FSTL5: variants seen among roughly 807,000 people sequenced by gnomAD.
FSTL5 encodes the protein follistatin like 5.
In FSTL5, 62 loss-of-function variants were observed where a neutral mutation model predicts 89.1. The observed-to-expected ratio is 0.70, with a 90% confidence interval of 0.57 to 0.86. The LOEUF (loss-of-function observed/expected upper bound fraction) is 0.86, where lower values mean the gene tolerates loss of function less well. FSTL5 is among the 40% of genes least tolerant of loss of function. The pLI, the probability that FSTL5 is intolerant of heterozygous loss-of-function variation, is 0.00. For missense variants in FSTL5, 1,057 were observed against 1,001.6 expected (o/e 1.06, Z -0.75); for synonymous variants, 383 against 346.2 (o/e 1.11, Z -1.18).
chr4:161,841,918 G>A (rs573247762), intron 4 of FSTL5, among the ~76,000 whole-genome samples: 2 of 152,224 alleles, frequency 1.3e-5, no homozygotes, highest in East Asian at 1.9e-4. Context: ...TCAGATTTGA[G>A]TGTGTGTTGG....
intron 2 of FSTL5, among the ~76,000 whole-genome samples, chr4:162,077,921 A>T (rs1729934403): frequency 6.6e-6 from 1 of 151,848 alleles, no homozygotes; most frequent in African/African-American, 2.4e-5. Context: ...ACCTTTAGCT[A>T]CATACTCAAA....
At chr4:161,898,208 AC>A (rs1351718372) in intron 4 of FSTL5, among the ~76,000 whole-genome samples, 1 of 150,684 alleles carries the variant, frequency 6.6e-6, no homozygotes, top group Admixed American at 6.6e-5. Flanking sequence ...AATTTATCAC[AC>A]AGTATATTTA....
intron 5 of FSTL5, among the ~76,000 whole-genome samples, chr4:161,772,598 T>C (rs1348823948): frequency 6.6e-6 from 1 of 151,922 alleles, no homozygotes; most frequent in Non-Finnish European, 1.5e-5. Flanking sequence ...CCTTTTACAA[T>C]AGCTGCAAAA....
chr4:162,038,427 T>C (rs1185626210), intron 2 of FSTL5, among the ~76,000 whole-genome samples: 1 of 151,846 alleles, frequency 6.6e-6, no homozygotes, highest in Non-Finnish European at 1.5e-5. Context: ...GTCAACAATA[T>C]GGTATCTTAA....
At chr4:161,779,759 T>TTATATATATATATACATATATA (rs1741554554) in intron 4 of FSTL5, among the ~76,000 whole-genome samples, 1 of 31,184 alleles carries the variant, frequency 3.2e-5, no homozygotes, top group Non-Finnish European at 5.0e-5. Flanking sequence ...ATTTGTAAAG[T>TTATATATATATATACATATATA]TATATATATA....
intron 4 of FSTL5, among the ~76,000 whole-genome samples, chr4:161,910,450 T>A (rs1053752006): frequency 6.6e-6 from 1 of 152,164 alleles, no homozygotes; most frequent in South Asian, 2.1e-4. Flanking sequence ...CTTTTGCTTG[T>A]CTAAAAAGCC....
At chr4:161,421,762 G>C (rs976456740) in intron 15 of FSTL5, among the ~76,000 whole-genome samples, 7 of 152,170 alleles carry the variant, frequency 4.6e-5, no homozygotes, top group Non-Finnish European at 1.0e-4. Flanking sequence ...GGAGGAGGGA[G>C]CTTAAATTTG....
At chr4:161,970,237 G>C (rs1264125782) in intron 3 of FSTL5, among the ~76,000 whole-genome samples, 1 of 152,088 alleles carries the variant, frequency 6.6e-6, no homozygotes, top group Middle Eastern at 3.2e-3. Context: ...TGAAAAGGTA[G>C]AGACAGATTT....
rs191910255 is a variant in FSTL5 at position 161,816,431 on chromosome 4, G to C, written c.410-40357C>G. Among the ~76,000 whole-genome samples, 12 of 152,260 alleles carry C rather than the reference G, an allele frequency of 7.9e-5. No individual in the cohort carries two copies. The East Asian group carries it at 1.9e-3, about 25-fold the overall frequency. On this transcript the variant is annotated intron_variant, in intron 4 of 15. Transcript: ENST00000306100. ...TTCGTGTATAAAAATTCATGTGGCTGTTGAAGTAGTCATCTGGTATTCCCT... is the reference window on the plus strand; with the variant it reads ...TTCGTGTATAAAAATTCATGTGGCTCTTGAAGTAGTCATCTGGTATTCCCT...
Position 162,088,075 on chromosome 4 carries a change from AT to A in FSTL5, c.126+23195del, listed in dbSNP as rs201005295. On this transcript the variant is annotated intron_variant, in intron 2 of 15. Transcript: ENST00000306100. The stretch of plus-strand genomic sequence containing the variant: ...AGTAGCACTTTTAGTTAACTGCTAG[AT>A]TTTTTTTCTTCCACCCCCATTTTTT... Among the ~76,000 whole-genome samples the A allele has an allele frequency of 8.6e-3, 1,310 of 151,972 alleles. 18 individuals carry two copies. Among genetic ancestry groups the A allele is most frequent in the Middle Eastern group, 0.014 (4 of 294 alleles).
chr4:161,676,629 T>A (rs1737313893), intron 6 of FSTL5, among the ~76,000 whole-genome samples: 1 of 152,126 alleles, frequency 6.6e-6, no homozygotes, highest in East Asian at 1.9e-4. Flanking sequence ...GTTCTGCATA[T>A]GTATCCCAGA....
intron 3 of FSTL5, among the ~76,000 whole-genome samples, chr4:162,004,479 G>A (rs764555964): frequency 3.1e-4 from 47 of 152,020 alleles, no homozygotes; most frequent in Non-Finnish European, 5.4e-4. Flanking sequence ...AGTCACATGC[G>A]TCTTCTTTTC....
At chr4:162,055,718 A>T (rs965909648) in intron 2 of FSTL5, among the ~76,000 whole-genome samples, 3 of 151,984 alleles carry the variant, frequency 2.0e-5, no homozygotes, top group Non-Finnish European at 4.4e-5. Context: ...GGAGAGATTT[A>T]CTATGTATCA....
At chr4:162,022,390 A>T (rs1737122530) in intron 3 of FSTL5, among the ~76,000 whole-genome samples, 1 of 151,994 alleles carries the variant, frequency 6.6e-6, no homozygotes. Context: ...TAATTTACAT[A>T]TATCCTCCAT....
chr4:161,951,826 A>G (rs1198349465), intron 3 of FSTL5, among the ~76,000 whole-genome samples: 1 of 152,056 alleles, frequency 6.6e-6, no homozygotes, highest in Non-Finnish European at 1.5e-5. Context: ...TACTTTGTAC[A>G]TATGAATTTC....
intron 4 of FSTL5, among the ~76,000 whole-genome samples, chr4:161,828,199 C>T (rs751094327): frequency 2.0e-4 from 30 of 152,152 alleles, no homozygotes; most frequent in Admixed American, 1.3e-4. Flanking sequence ...CTGGTAAGGT[C>T]ACATACTTTT....
At chr4:161,550,729 C>A (rs892550690) in intron 8 of FSTL5, among the ~76,000 whole-genome samples, 2 of 151,898 alleles carry the variant, frequency 1.3e-5, no homozygotes, top group Non-Finnish European at 2.9e-5. Context: ...GCTATCCCTC[C>A]CCCATCCCCG....
intron 5 of FSTL5, among the ~76,000 whole-genome samples, chr4:161,771,581 G>A (rs1425779288): frequency 6.6e-6 from 1 of 152,052 alleles, no homozygotes; most frequent in Non-Finnish European, 1.5e-5. Flanking sequence ...TCAATTTAGG[G>A]CCACTACTCC....
chr4:161,787,311 G>C (rs1213825366), intron 4 of FSTL5, among the ~76,000 whole-genome samples: 2 of 152,112 alleles, frequency 1.3e-5, no homozygotes, highest in African/African-American at 4.8e-5. Flanking sequence ...GGAAGTGCTT[G>C]ATGAATTGGA....
Sources: allele counts gnomAD v4.1 joint callset (sites outside exome capture counted in the v4.1 genomes callset), GRCh38; gene constraint gnomAD v4.1.1; transcripts MANE v1.5; gene names NCBI Gene and HGNC (gene_info 2026-07-23, HGNC 2026-07-21).